DPP10: variants seen among roughly 807,000 people sequenced by gnomAD.
DPP10 encodes the protein inactive dipeptidyl peptidase 10.
In DPP10, 33 loss-of-function variants were observed where a neutral mutation model predicts 120.9. That is an observed-to-expected ratio of 0.27 (90% CI 0.21 to 0.37). DPP10 has a LOEUF of 0.37. DPP10 is among the 10% of genes least tolerant of loss of function. DPP10 has a pLI of 1.00. For synonymous variants in DPP10, 337 were observed against 326.1 expected (o/e 1.03, Z -0.36); for missense variants, 816 against 942.8 (o/e 0.87, Z 1.76).
chr2:114,955,450 G>T (rs1698131237), intron 1 of DPP10, among the ~76,000 whole-genome samples: 1 of 152,182 alleles, frequency 6.6e-6, no homozygotes, highest in African/African-American at 2.4e-5. Flanking sequence ...ACCCAGTTCT[G>T]CTGAAGAAGG....
At chr2:115,193,466 T>G (rs1559217566) in intron 1 of DPP10, among the ~76,000 whole-genome samples, 1 of 152,216 alleles carries the variant, frequency 6.6e-6, no homozygotes, top group Non-Finnish European at 1.5e-5. Context: ...ACCTGTAAGT[T>G]TGGGATTTTA....
chr2:115,678,617 G>A (rs1237971884), intron 5 of DPP10, among the ~76,000 whole-genome samples: 1 of 152,178 alleles, frequency 6.6e-6, no homozygotes, highest in Non-Finnish European at 1.5e-5. Flanking sequence ...AAAATGTAGG[G>A]TTGGAGCCCT....
intron 1 of DPP10, among the ~76,000 whole-genome samples, chr2:114,922,473 T>C (rs908487032): frequency 2.6e-5 from 4 of 152,060 alleles, no homozygotes; most frequent in African/African-American, 9.7e-5. Context: ...TAGCCATGCT[T>C]GTTAATTTTT....
chr2:115,000,373 A>AT (rs148821669), intron 1 of DPP10, among the ~76,000 whole-genome samples: 1 of 152,064 alleles, frequency 6.6e-6, no homozygotes, highest in Non-Finnish European at 1.5e-5. Context: ...TACCACTGAT[A>AT]TTTTTTCTTT....
At chr2:115,259,941 C>T (rs982786226) in intron 1 of DPP10, among the ~76,000 whole-genome samples, 4 of 151,638 alleles carry the variant, frequency 2.6e-5, no homozygotes, top group African/African-American at 7.3e-5. Flanking sequence ...ATAGGTCAGT[C>T]GGTCATATGT....
chr2:114,647,596 C>A (rs1696237192), intron 1 of DPP10, among the ~76,000 whole-genome samples: 1 of 151,944 alleles, frequency 6.6e-6, no homozygotes, highest in African/African-American at 2.4e-5. Flanking sequence ...ATTTGGGATG[C>A]AAAACCACTT....
intron 1 of DPP10, among the ~76,000 whole-genome samples, chr2:115,269,410 T>TAC (rs1244994189): frequency 6.6e-6 from 1 of 152,168 alleles, no homozygotes; most frequent in Non-Finnish European, 1.5e-5. Flanking sequence ...TTCCTTTGAC[T>TAC]AGGAATTCAG....
At chr2:115,630,415 T>G (rs2085751579) in intron 5 of DPP10, among the ~76,000 whole-genome samples, 1 of 152,178 alleles carries the variant, frequency 6.6e-6, no homozygotes, top group Non-Finnish European at 1.5e-5. Flanking sequence ...CTTGCCTGAT[T>G]GCCCTGGCCA....
intron 1 of DPP10, among the ~76,000 whole-genome samples, chr2:115,151,841 A>C (rs1410858183): frequency 6.8e-6 from 1 of 146,308 alleles, no homozygotes; most frequent in Non-Finnish European, 1.5e-5. Context: ...TTTATTTTTT[A>C]ATTTCTTTTT....
chr2:114,936,123 CT>C (rs1696447679), intron 1 of DPP10, among the ~76,000 whole-genome samples: 1 of 152,048 alleles, frequency 6.6e-6, no homozygotes, highest in Non-Finnish European at 1.5e-5. Context: ...AACATGTAGT[CT>C]TTTATCCCTC....
At chr2:115,284,292 A>G (rs1380221839) in intron 1 of DPP10, among the ~76,000 whole-genome samples, 1 of 152,002 alleles carries the variant, frequency 6.6e-6, no homozygotes, top group Non-Finnish European at 1.5e-5. Flanking sequence ...TCTTCTCCAT[A>G]ACATTCTGAT....
chr2:114,462,125 T>G (rs7609142), intron 1 of DPP10: 33,401 of 983,532 alleles, frequency 0.034, 1,170 homozygotes, highest in African/African-American at 0.16. Context: ...AATGAAACAT[T>G]ATCCCGTAAC....
chr2:115,160,630 G>A (rs1427506067), intron 1 of DPP10, among the ~76,000 whole-genome samples: 1 of 152,136 alleles, frequency 6.6e-6, no homozygotes. Context: ...TCTCCGGTAA[G>A]CAATCTTCCA....
chr2:114,709,548 C>T (rs1471124231), intron 1 of DPP10, among the ~76,000 whole-genome samples: 1 of 152,156 alleles, frequency 6.6e-6, no homozygotes. Flanking sequence ...TATTTTATTA[C>T]TTAATTGCAT....
At chr2:115,792,147 T>A (rs925475951) in intron 19 of DPP10, among the ~76,000 whole-genome samples, 3 of 152,128 alleles carry the variant, frequency 2.0e-5, no homozygotes, top group African/African-American at 7.2e-5. Flanking sequence ...TTTCCTGGGT[T>A]CATATTCTAG....
At chr2:115,192,041 T>C (rs1479751557) in intron 1 of DPP10, among the ~76,000 whole-genome samples, 1 of 152,200 alleles carries the variant, frequency 6.6e-6, no homozygotes, top group Non-Finnish European at 1.5e-5. Context: ...TAGGCCTTTC[T>C]ACTTTCCCTG....
intron 1 of DPP10, among the ~76,000 whole-genome samples, chr2:115,282,669 C>T (rs1327160541): frequency 1.3e-5 from 2 of 152,084 alleles, no homozygotes; most frequent in Non-Finnish European, 2.9e-5. Flanking sequence ...CACCATCAAA[C>T]TTTACTTAAA....
At chr2:114,565,532 C>T (rs116630492) in intron 1 of DPP10, among the ~76,000 whole-genome samples, 1,544 of 152,330 alleles carry the variant, frequency 0.01, 23 homozygotes, top group African/African-American at 0.035. Flanking sequence ...CAACACAACA[C>T]ATTTCTCCTC....
At position 115,363,632 on chromosome 2, in the gene DPP10, T is replaced by C. The variant is rs910696485; in HGVS notation, c.271+19720T>C. On this transcript the variant is annotated intron_variant, in intron 3 of 25. Coordinates refer to ENST00000410059, the MANE Select transcript of DPP10 (RefSeq NM_020868.6). ...AGGACTGAGAGGATAATTCCTCTTA[T>C]GCCTTTCTTCTAAAGGCATTGTGAG... Among the ~76,000 whole-genome samples, 4 of 152,236 alleles carry C rather than the reference T, an allele frequency of 2.6e-5. No homozygotes were observed. In the East Asian group the frequency reaches 5.8e-4, roughly 22 times the overall value.
Sources: allele counts gnomAD v4.1 joint callset (sites outside exome capture counted in the v4.1 genomes callset), GRCh38; gene constraint gnomAD v4.1.1; transcripts MANE v1.5; gene names NCBI Gene and HGNC (gene_info 2026-07-23, HGNC 2026-07-21).